Variants in CNTNAP2 observed in about 807,000 individuals in gnomAD.
CNTNAP2 encodes contactin-associated protein-like 2.
A neutral mutation model predicts 155.2 loss-of-function variants in CNTNAP2; 98 were observed. The ratio of observed to expected loss-of-function variants is 0.63; its 90% CI spans 0.54 to 0.75. CNTNAP2 has a LOEUF of 0.75. Among genes scored for constraint, CNTNAP2 ranks in the 30% least tolerant of loss-of-function variants. CNTNAP2 has a pLI of 0.00. For synonymous variants in CNTNAP2, 651 were observed against 631.2 expected (o/e 1.03, Z -0.47); for missense variants, 1,727 against 1,688.1 (o/e 1.02, Z -0.40).
chr7:147,118,964 G>A lies in CNTNAP2; in HGVS notation c.755-2015G>A, dbSNP rs546755725. 3.0e-4 allele frequency among the ~76,000 whole-genome samples: 46 copies of A among 152,172 alleles called. 1 individual carries two copies. Among genetic ancestry groups the A allele is most frequent in the African/African-American group, 9.6e-5 (4 of 41,546 alleles). ...ATATTCTCTGCTTCTAATAACGAAC[G>A]TGTATTCATTGTGCTACCAGGGGAA... On this transcript the variant is annotated intron_variant, in intron 5 of 23. Coordinates refer to ENST00000361727, the MANE Select transcript of CNTNAP2 (RefSeq NM_014141.6).
At chr7:147,302,911 A>G (rs541098051) in intron 9 of CNTNAP2, among the ~76,000 whole-genome samples, 5 of 152,316 alleles carry the variant, frequency 3.3e-5, no homozygotes, top group Admixed American at 3.3e-4. Flanking sequence ...GTTCATAAAC[A>G]TTCTTCTGCA....
At chr7:148,092,646 A>G (rs1364011434) in intron 15 of CNTNAP2, among the ~76,000 whole-genome samples, 1 of 152,278 alleles carries the variant, frequency 6.6e-6, no homozygotes, top group Non-Finnish European at 1.5e-5. Flanking sequence ...AAAATCCTCC[A>G]TGGTGAGCAT....
At chr7:147,277,223 A>G (rs1427480693) in intron 8 of CNTNAP2, among the ~76,000 whole-genome samples, 2 of 152,010 alleles carry the variant, frequency 1.3e-5, no homozygotes, top group Non-Finnish European at 2.9e-5. Flanking sequence ...ATGCATGAGT[A>G]GCTGAAATAT....
intron 21 of CNTNAP2, among the ~76,000 whole-genome samples, chr7:148,292,045 G>GA (rs370475703): frequency 2.0e-5 from 3 of 151,590 alleles, no homozygotes; most frequent in Admixed American, 6.6e-5. Context: ...TAGGAGTAAA[G>GA]AAAAAAAACA....
intron 17 of CNTNAP2, among the ~76,000 whole-genome samples, chr7:148,155,557 C>T (rs1805384186): frequency 6.6e-6 from 1 of 152,112 alleles, no homozygotes; most frequent in African/African-American, 2.4e-5. Context: ...AGGCTCCCAC[C>T]CTCCCGTGGA....
intron 8 of CNTNAP2, among the ~76,000 whole-genome samples, chr7:147,250,890 G>C (rs910771446): frequency 6.6e-6 from 1 of 152,152 alleles, no homozygotes; most frequent in African/African-American, 2.4e-5. Context: ...GCTAAAGTTT[G>C]AGAACTACTG....
At chr7:147,000,917 A>G (rs895559209) in intron 3 of CNTNAP2, among the ~76,000 whole-genome samples, 3 of 152,064 alleles carry the variant, frequency 2.0e-5, no homozygotes, top group African/African-American at 7.2e-5. Context: ...GGGGGTTCCT[A>G]TCTTGCACTA....
At chr7:148,114,292 A>T (rs1408672682) in intron 15 of CNTNAP2, among the ~76,000 whole-genome samples, 1 of 152,194 alleles carries the variant, frequency 6.6e-6, no homozygotes, top group South Asian at 2.1e-4. Flanking sequence ...ATTAGTTTTT[A>T]TTTATATTTA....
chr7:147,351,239 A>G (rs1264234249), intron 9 of CNTNAP2, among the ~76,000 whole-genome samples: 1 of 151,852 alleles, frequency 6.6e-6, no homozygotes, highest in Admixed American at 6.6e-5. Flanking sequence ...TTTGAGTGCT[A>G]GATTAGTTTT....
At chr7:146,263,623 G>C (rs779589839) in intron 1 of CNTNAP2, among the ~76,000 whole-genome samples, 1 of 152,128 alleles carries the variant, frequency 6.6e-6, no homozygotes, top group Non-Finnish European at 1.5e-5. Flanking sequence ...CTTCCTAGAG[G>C]TTGTAGACAG....
intron 13 of CNTNAP2, among the ~76,000 whole-genome samples, chr7:147,717,635 G>A (rs930106094): frequency 6.6e-6 from 1 of 152,024 alleles, no homozygotes; most frequent in South Asian, 2.1e-4. Flanking sequence ...ATTTATCCTG[G>A]AAGTAACTCC....
At chr7:148,022,518 C>T (rs938067818) in intron 15 of CNTNAP2, among the ~76,000 whole-genome samples, 1 of 151,230 alleles carries the variant, frequency 6.6e-6, no homozygotes, top group South Asian at 2.1e-4. Flanking sequence ...TAAGAATATC[C>T]AGTGTGGCTT....
intron 1 of CNTNAP2, among the ~76,000 whole-genome samples, chr7:146,202,270 A>G (rs1036953805): frequency 7.2e-5 from 11 of 152,136 alleles, no homozygotes; most frequent in Non-Finnish European, 1.5e-4. Flanking sequence ...ACTGGTCTCT[A>G]TTCATAACCT....
At chr7:146,583,059 C>G (rs925942892) in intron 1 of CNTNAP2, among the ~76,000 whole-genome samples, 1 of 151,798 alleles carries the variant, frequency 6.6e-6, no homozygotes, top group African/African-American at 2.4e-5. Context: ...TGCAGAAATG[C>G]GTTATCCCCA....
At position 146,419,438 on chromosome 7, in the gene CNTNAP2, C is replaced by A. The variant is rs147583778; in HGVS notation, c.97+302465C>A. 2.6e-3 allele frequency among the ~76,000 whole-genome samples: 389 copies of A among 152,112 alleles called. 1 individual carries two copies. The highest frequency in any genetic ancestry group is 8.5e-3 in the African/African-American group (352 of 41,522). On this transcript the variant is annotated intron_variant, in intron 1 of 23. Coordinates refer to ENST00000361727, the MANE Select transcript of CNTNAP2 (RefSeq NM_014141.6). ...GGACAATAAATTTTTCTTGTGTAAG[C>A]CACCCAGTTTGTGGTACTTCTTTAT...
At chr7:146,870,056 T>A (rs1470570401) in intron 3 of CNTNAP2, among the ~76,000 whole-genome samples, 1 of 152,140 alleles carries the variant, frequency 6.6e-6, no homozygotes, top group Non-Finnish European at 1.5e-5. Context: ...TTTTTGTGTG[T>A]GTTTCTGCCA....
intron 15 of CNTNAP2, among the ~76,000 whole-genome samples, chr7:147,988,870 G>A (rs1238267420): frequency 6.6e-6 from 1 of 152,344 alleles, no homozygotes; most frequent in East Asian, 1.9e-4. Flanking sequence ...GGAAGTGACA[G>A]AAACACGGAG....
At chr7:147,416,014 G>C (rs969919932) in intron 10 of CNTNAP2, among the ~76,000 whole-genome samples, 1 of 152,164 alleles carries the variant, frequency 6.6e-6, no homozygotes, top group African/African-American at 2.4e-5. Flanking sequence ...GCACTTATCT[G>C]TTTCCTTTAA....
At chr7:147,450,045 C>T (rs1359213759) in intron 10 of CNTNAP2, among the ~76,000 whole-genome samples, 1 of 152,120 alleles carries the variant, frequency 6.6e-6, no homozygotes, top group Non-Finnish European at 1.5e-5. Flanking sequence ...GTCCTGATCC[C>T]CAAAACCTGT....
Sources: gnomAD v4.1 joint callset for allele counts (sites outside exome capture counted in the v4.1 genomes callset) on GRCh38, gnomAD v4.1.1 for gene constraint, MANE v1.5 for transcripts, NCBI Gene and HGNC (gene_info 2026-07-23, HGNC 2026-07-21) for gene names.